FILIP1L: variants seen among roughly 807,000 people sequenced by gnomAD.
FILIP1L encodes the protein filamin A interacting protein 1 like, also known as filamin A-interacting protein 1-like.
Under a neutral mutation model 96.6 loss-of-function variants are expected in FILIP1L, and 55 were observed. The observed-to-expected ratio is 0.57, with a 90% CI of 0.46 to 0.71. The LOEUF (loss-of-function observed/expected upper bound fraction) is 0.71, where lower values mean the gene tolerates loss of function less well. Among genes scored for constraint, FILIP1L ranks in the 30% least tolerant of loss-of-function variants. FILIP1L has a pLI of 0.00. For missense variants in FILIP1L, 1,304 were observed against 1,321.2 expected (o/e 0.99, Z 0.20); for synonymous variants, 467 against 473.9 (o/e 0.99, Z 0.19).
chr3:100,100,843 G>A (rs2066291478), intron 1 of FILIP1L, among the ~76,000 whole-genome samples: 1 of 152,090 alleles, frequency 6.6e-6, no homozygotes, highest in African/African-American at 2.4e-5. Context: ...GGTGTCTTTT[G>A]AAGAGAATTC....
intron 1 of FILIP1L, among the ~76,000 whole-genome samples, chr3:99,995,653 G>A (rs1463794275): frequency 6.6e-6 from 1 of 152,204 alleles, no homozygotes; most frequent in Non-Finnish European, 1.5e-5. Context: ...GGGCATCCAG[G>A]CGTTTCCATA....
intron 1 of FILIP1L, among the ~76,000 whole-genome samples, chr3:99,962,340 G>A (rs1708518080): frequency 6.6e-6 from 1 of 152,196 alleles, no homozygotes; most frequent in African/African-American, 2.4e-5. Flanking sequence ...GTCCTCATCA[G>A]GAAGGATATT....
At chr3:99,907,451 G>A (rs1706655260) in intron 4 of FILIP1L, among the ~76,000 whole-genome samples, 1 of 152,162 alleles carries the variant, frequency 6.6e-6, no homozygotes, top group African/African-American at 2.4e-5. Flanking sequence ...GTTTCACCAT[G>A]TTAGCCAGGA....
intron 4 of FILIP1L, among the ~76,000 whole-genome samples, chr3:99,887,637 G>A (rs546295786): frequency 2.9e-4 from 44 of 152,126 alleles, no homozygotes; most frequent in Non-Finnish European, 5.4e-4. Context: ...ATGAATCATG[G>A]CATTGTTAGA....
chr3:99,848,578 C>T lies in FILIP1L; in HGVS notation c.3098G>A (p.Arg1033Lys). The T allele has an allele frequency of 6.2e-7, 1 of 1,614,174 alleles. No homozygotes were observed. The highest frequency in any genetic ancestry group is 8.5e-7 in the Non-Finnish European group (1 of 1,180,038). The change falls in exon 5 of 6, where the codon AGA (arginine) becomes AAA (lysine). Residue 1033 changes from arginine (R) to lysine (K), a missense_variant. Coordinates refer to ENST00000477258, the MANE Select transcript of FILIP1L (RefSeq NM_001387850.1). Reference sequence around the variant, plus strand: ...TGATGACTGCCGGTCTGGGGAGACTCTGAATATCGCATGCTTGGCACTGAT... The same window carrying T: ...TGATGACTGCCGGTCTGGGGAGACTTTGAATATCGCATGCTTGGCACTGAT... ...TEISAKHAIFRVSPDRQSSWQ... is the reference protein window; with the variant it reads ...TEISAKHAIFKVSPDRQSSWQ...
chr3:100,039,447 A>G (rs2065164065), intron 1 of FILIP1L, among the ~76,000 whole-genome samples: 1 of 152,330 alleles, frequency 6.6e-6, no homozygotes, highest in Non-Finnish European at 1.5e-5. Flanking sequence ...GTTCTACAAA[A>G]ATACCAACTT....
chr3:100,083,040 A>G (rs2065955809), intron 1 of FILIP1L, among the ~76,000 whole-genome samples: 1 of 152,226 alleles, frequency 6.6e-6, no homozygotes, highest in African/African-American at 2.4e-5. Context: ...TCTACTGGCT[A>G]TATTTATGAA....
At chr3:99,992,152 TATA>T (rs1709543282) in intron 1 of FILIP1L, among the ~76,000 whole-genome samples, 1 of 151,992 alleles carries the variant, frequency 6.6e-6, no homozygotes, top group African/African-American at 2.4e-5. Flanking sequence ...ATCTTTTTGA[TATA>T]ATGATTTCTT....
At position 99,987,422 on chromosome 3, in the gene FILIP1L, G is replaced by A. The variant is rs1207670656; in HGVS notation, c.-10-56392C>T. 8.6e-5 allele frequency among the ~76,000 whole-genome samples: 13 copies of A among 150,852 alleles called. 1 individual carries two copies. In the South Asian group the frequency reaches 1.7e-3, roughly 19 times the overall value. ...CATACACCTGTTATCTCAGCTACTC[G>A]GGAGGCTGAGACAGGAGACTCTCTT... On this transcript the variant is annotated intron_variant, in intron 1 of 5. Coordinates refer to ENST00000477258, the MANE Select transcript of FILIP1L (RefSeq NM_001387850.1).
At chr3:100,052,524 C>CT (rs1465038847) in intron 1 of FILIP1L, among the ~76,000 whole-genome samples, 1 of 152,148 alleles carries the variant, frequency 6.6e-6, no homozygotes, top group East Asian at 1.9e-4. Flanking sequence ...AACTGAACCT[C>CT]TAAGTGAAAC....
At chr3:99,886,204 A>G (rs946675013) in intron 4 of FILIP1L, among the ~76,000 whole-genome samples, 4 of 151,896 alleles carry the variant, frequency 2.6e-5, no homozygotes, top group African/African-American at 2.4e-5. Context: ...TTTGTTGAAT[A>G]CCTTCTGTGT....
chr3:100,029,851 A>G (rs759392717), intron 1 of FILIP1L, among the ~76,000 whole-genome samples: 2 of 152,208 alleles, frequency 1.3e-5, no homozygotes, highest in African/African-American at 4.8e-5. Context: ...ATTCTAGGAG[A>G]TGTCAACAGT....
At chr3:99,864,826 T>C (rs1944432959) in intron 4 of FILIP1L, among the ~76,000 whole-genome samples, 1 of 152,156 alleles carries the variant, frequency 6.6e-6, no homozygotes, top group Non-Finnish European at 1.5e-5. Context: ...TAGTACCATC[T>C]GGCATACTAT....
chr3:100,059,425 G>C (rs1299946320), intron 1 of FILIP1L, among the ~76,000 whole-genome samples: 1 of 152,060 alleles, frequency 6.6e-6, no homozygotes, highest in Non-Finnish European at 1.5e-5. Context: ...GCTTTCCCCT[G>C]CTTCTTCACT....
intron 4 of FILIP1L, among the ~76,000 whole-genome samples, chr3:99,922,065 T>C (rs1343220024): frequency 6.6e-6 from 1 of 152,166 alleles, no homozygotes; most frequent in African/African-American, 2.4e-5. Flanking sequence ...CCACCATAAA[T>C]CTGTATCATC....
intron 1 of FILIP1L, among the ~76,000 whole-genome samples, chr3:99,958,492 G>A (rs537439545): frequency 6.6e-5 from 10 of 152,194 alleles, no homozygotes; most frequent in Admixed American, 3.3e-4. Flanking sequence ...TGCAAAGAAA[G>A]GAGACATTTG....
intron 1 of FILIP1L, among the ~76,000 whole-genome samples, chr3:99,966,901 G>A (rs1708669911): frequency 6.6e-6 from 1 of 152,214 alleles, no homozygotes; most frequent in South Asian, 2.1e-4. Flanking sequence ...AGCCTGGATT[G>A]TAAAGTCTGG....
rs185014788 is a variant in FILIP1L, at chr3:99,873,259, A to G, written c.606-22189T>C. On this transcript the variant is annotated intron_variant, in intron 4 of 5. Transcript: ENST00000477258. ...AAACTAAACAATCAGTTTAAATTGA[A>G]GCTGAATTCATGGTCAAATACAAAT... Among the ~76,000 whole-genome samples, 307 of 152,362 alleles carry G rather than the reference A, an allele frequency of 2.0e-3. 7 individuals carry two copies. The highest frequency in any genetic ancestry group is 0.019 in the Admixed American group (288 of 15,306).
chr3:99,931,633 C>G (rs931209110), intron 1 of FILIP1L, among the ~76,000 whole-genome samples: 3 of 152,126 alleles, frequency 2.0e-5, no homozygotes, highest in Non-Finnish European at 4.4e-5. Flanking sequence ...TGGCTGTATT[C>G]CTGTATTCCT....
Sources: gnomAD v4.1 joint callset for allele counts (sites outside exome capture counted in the v4.1 genomes callset) on GRCh38, gnomAD v4.1.1 for gene constraint, MANE v1.5 for transcripts, NCBI Gene and HGNC (gene_info 2026-07-23, HGNC 2026-07-21) for gene names.